PTK2: variants seen among roughly 807,000 people sequenced by gnomAD.
PTK2 encodes the protein protein tyrosine kinase 2, also known as focal adhesion kinase 1.
In PTK2, 45 loss-of-function variants were observed where a neutral mutation model predicts 150.1. The ratio of observed to expected loss-of-function variants is 0.30; its 90% confidence interval spans 0.24 to 0.38. The LOEUF (loss-of-function observed/expected upper bound fraction) is 0.38, where lower values mean the gene tolerates loss of function less well. Ranked by LOEUF, PTK2 falls within the 10% of genes least tolerant of loss-of-function variation. The pLI is 1.00. For synonymous variants in PTK2, 432 were observed against 449.2 expected, an observed-to-expected ratio of 0.96 and a Z score of 0.48; for missense variants, 919 against 1,307.3, an observed-to-expected ratio of 0.70 and a Z score of 4.58.
intron 5 of PTK2, among the ~76,000 whole-genome samples, chr8:140,855,129 G>A (rs1479576990): frequency 1.3e-5 from 2 of 152,092 alleles, no homozygotes; most frequent in Non-Finnish European, 2.9e-5. Context: ...GAGATTCCAG[G>A]CATGAGCCAC....
At position 140,702,469 on chromosome 8, in the gene PTK2, T is replaced by C. The variant is rs73369932; in HGVS notation, c.2367+101A>G. ...CTGGGGCTCAAGCAATCCTCCTACT[T>C]CAGCCTCCCAAAAGTGCTAGGATTA... On this transcript the variant is annotated intron_variant, in intron 25 of 31. Transcript: ENST00000522684. 4.0e-3 allele frequency: 5,611 copies of C among 1,418,244 alleles called. 147 individuals carry two copies. The African/African-American group carries it at 0.063, about 16-fold the overall frequency. The allele number at this position is 1,418,244 out of a possible 1,614,324, so 87.9% of individuals were successfully genotyped here.
chr8:140,675,631 G>C (rs1411705728), intron 27 of PTK2, 132 bp from the exon 31 acceptor site: 2 of 680,090 alleles, frequency 2.9e-6, no homozygotes, highest in Non-Finnish European at 5.1e-6. Flanking sequence ...AACAAAACAG[G>C]GTTCTGCATA....
intron 2 of PTK2, among the ~76,000 whole-genome samples, chr8:140,894,103 G>A (rs2100155156): frequency 6.6e-6 from 1 of 152,106 alleles, no homozygotes; most frequent in South Asian, 2.1e-4. Flanking sequence ...TACAAGGTAG[G>A]GTCTTTTGGA....
chr8:140,896,765 G>GC (rs368561418), intron 2 of PTK2, among the ~76,000 whole-genome samples: 92 of 109,918 alleles, frequency 8.4e-4, no homozygotes, highest in South Asian at 1.5e-3. Context: ...TACCATAGAC[G>GC]CCCCCCCTTC....
chr8:140,675,367 AG>A (rs1276713001), intron 28 of PTK2, 92 bp downstream of exon 31: 1 of 1,351,126 alleles, frequency 7.4e-7, no homozygotes, highest in Non-Finnish European at 1.0e-6. Context: ...ATTAACCATG[AG>A]GGTATTCCAA....
chr8:140,896,788 C>CAGG (rs1491515271), intron 2 of PTK2, among the ~76,000 whole-genome samples: 1 of 67,302 alleles, frequency 1.5e-5, no homozygotes, highest in African/African-American at 3.8e-5. Context: ...CCCAAAAAAA[C>CAGG]GGGGGGGGGG....
intron 16 of PTK2, among the ~76,000 whole-genome samples, chr8:140,759,000 T>C (rs1200988515): frequency 6.6e-6 from 1 of 152,222 alleles, no homozygotes; most frequent in South Asian, 2.1e-4. Flanking sequence ...TACACGTTTG[T>C]AGCCTAGGAG....
At position 140,835,518 on chromosome 8, in the gene PTK2, C is replaced by G. The variant is rs193018684; in HGVS notation, c.594-4992G>C. ...GTGGTACTTTCACCTCTAAATTATA[C>G]TCAAGCTTCTTAACAGACAAATGTT... On this transcript the variant is annotated intron_variant, in intron 7 of 31. Transcript: ENST00000522684. Among the ~76,000 whole-genome samples, 679 of 152,248 alleles carry G rather than the reference C, an allele frequency of 4.5e-3. 7 individuals are homozygous for G. The highest frequency in any genetic ancestry group is 0.016 in the African/African-American group (647 of 41,522).
At position 140,866,818 on chromosome 8, in the gene PTK2, T is replaced by C. The variant is rs151291004; in HGVS notation, c.363-2419A>G. On this transcript the variant is annotated intron_variant, in intron 4 of 31. Coordinates refer to ENST00000522684, the Ensembl canonical transcript of PTK2. ...CAGACAGCAAATACACAAATATATG[T>C]GAGATGGCAGTCAATGTCATAAAAA... Among the ~76,000 whole-genome samples the C allele has an allele frequency of 3.5e-3, 538 of 152,274 alleles. 4 individuals are homozygous for C. The highest frequency in any genetic ancestry group is 0.013 in the African/African-American group (522 of 41,548).
At position 140,913,674 on chromosome 8, in the gene PTK2, T is replaced by C. The variant is rs56742995; in HGVS notation, c.-33+11987A>G. On this transcript the variant is annotated intron_variant, in intron 2 of 31. Transcript: ENST00000522684. ...ACCCAGACCACCACATTAAGATCTA[T>C]CACACATTGCTTAGAAAAATTAAAC... Among the ~76,000 whole-genome samples, 79 of 152,212 alleles carry C rather than the reference T, an allele frequency of 5.2e-4. 1 individual carries two copies. The highest frequency in any genetic ancestry group is 1.9e-3 in the African/African-American group (77 of 41,522).
At chr8:140,829,426 C>T (rs781272025) in intron 8 of PTK2, among the ~76,000 whole-genome samples, 10 of 152,132 alleles carry the variant, frequency 6.6e-5, no homozygotes, top group South Asian at 2.1e-4. Context: ...ACCAACACTC[C>T]GGCCCAATGA....
chr8:140,993,895 A>G (rs2100196658), intron 1 of PTK2, among the ~76,000 whole-genome samples: 1 of 151,864 alleles, frequency 6.6e-6, no homozygotes, highest in Non-Finnish European at 1.5e-5. Context: ...ACATTCATCT[A>G]ATTTTTGCAT....
intron 2 of PTK2, among the ~76,000 whole-genome samples, chr8:140,898,830 A>AG (rs780343262): frequency 6.6e-6 from 1 of 152,132 alleles, no homozygotes; most frequent in Non-Finnish European, 1.5e-5. Flanking sequence ...TGTAAAGGGG[A>AG]GGGAGAGTGG....
chr8:140,778,587 C>A (rs1276000470), intron 14 of PTK2, among the ~76,000 whole-genome samples: 1 of 152,204 alleles, frequency 6.6e-6, no homozygotes, highest in Admixed American at 6.5e-5. Flanking sequence ...GAAAGCAAGA[C>A]CAAAGCAATG....
chr8:140,899,977 G>A (rs1461537678), intron 2 of PTK2, among the ~76,000 whole-genome samples: 1 of 152,118 alleles, frequency 6.6e-6, no homozygotes, highest in African/African-American at 2.4e-5. Context: ...GGCCATATAT[G>A]ACAAATCCAC....
At chr8:140,809,012 C>T (rs2100099858) in intron 10 of PTK2, among the ~76,000 whole-genome samples, 1 of 152,054 alleles carries the variant, frequency 6.6e-6, no homozygotes, top group Non-Finnish European at 1.5e-5. Flanking sequence ...GGATTACAGG[C>T]ATGAGCCACG....
At chr8:140,882,056 A>G (rs898228232) in intron 3 of PTK2, among the ~76,000 whole-genome samples, 4 of 152,102 alleles carry the variant, frequency 2.6e-5, no homozygotes, top group African/African-American at 9.7e-5. Flanking sequence ...CACAGATATT[A>G]CCTTCTGTTT....
At chr8:140,783,339 T>C (rs986460474) in intron 14 of PTK2, among the ~76,000 whole-genome samples, 3 of 152,266 alleles carry the variant, frequency 2.0e-5, no homozygotes, top group Non-Finnish European at 4.4e-5. Flanking sequence ...TTACTAGCTA[T>C]GTGAACTTGG....
chr8:140,659,019 C>G, exon 32 of PTK2: 1 of 229,378 alleles, frequency 4.4e-6, no homozygotes, highest in Non-Finnish European at 8.6e-6. Context: ...GATAATAATT[C>G]TATGGTAGAC....
Sources: allele counts gnomAD v4.1 joint callset (sites outside exome capture counted in the v4.1 genomes callset), GRCh38; gene constraint gnomAD v4.1.1; transcripts MANE v1.5; gene names NCBI Gene and HGNC (gene_info 2026-07-23, HGNC 2026-07-21).